Variants in PIK3C3 observed in about 807,000 individuals in gnomAD.
The protein encoded by PIK3C3 is phosphatidylinositol 3-kinase catalytic subunit type 3, also known as PI3-kinase type 3.
Under a neutral mutation model 126.1 loss-of-function variants are expected in PIK3C3, and 95 were observed. That is an observed-to-expected ratio of 0.75 (90% CI 0.64 to 0.89). The LOEUF (loss-of-function observed/expected upper bound fraction) is 0.89. PIK3C3 is among the 40% of genes least tolerant of loss of function. The pLI is 0.00. For missense variants in PIK3C3, 829 were observed against 1,063.2 expected (o/e 0.78, Z 3.06); for synonymous variants, 374 against 360.0 (o/e 1.04, Z -0.44).
chr18:41,981,408 A>G (rs544760816), intron 4 of PIK3C3, among the ~76,000 whole-genome samples: 44 of 152,200 alleles, frequency 2.9e-4, no homozygotes, highest in African/African-American at 9.6e-4. Flanking sequence ...AGTTTAACTA[A>G]ATGAAACTTT....
chr18:42,073,945 TC>T (rs1445426530), intron 24 of PIK3C3, among the ~76,000 whole-genome samples: 2 of 152,010 alleles, frequency 1.3e-5, no homozygotes, highest in Non-Finnish European at 2.9e-5. Context: ...ACAAGCATTT[TC>T]TGTGTTCAGA....
At chr18:42,013,349 G>A in intron 10 of PIK3C3, 93 bp from the exon 11 acceptor site, 1 of 783,586 alleles carries the variant, frequency 1.3e-6, no homozygotes, top group East Asian at 2.9e-5. Context: ...ATAGATAAAA[G>A]TAAAATGTTT....
intron 5 of PIK3C3, among the ~76,000 whole-genome samples, chr18:41,989,436 A>G (rs558626220): frequency 6.6e-6 from 1 of 152,256 alleles, no homozygotes; most frequent in African/African-American, 2.4e-5. Flanking sequence ...CTTAGACTTC[A>G]TTGTATTTTC....
At chr18:41,960,834 C>T (rs926359567) in intron 2 of PIK3C3, among the ~76,000 whole-genome samples, 39 of 151,762 alleles carry the variant, frequency 2.6e-4, no homozygotes, top group African/African-American at 7.3e-5. Context: ...TCTTCACCCT[C>T]TGGGTTCAAG....
chr18:42,001,709 C>T (rs1294868870), intron 9 of PIK3C3, among the ~76,000 whole-genome samples: 1 of 152,088 alleles, frequency 6.6e-6, no homozygotes, highest in African/African-American at 2.4e-5. Flanking sequence ...GCTAATAAGT[C>T]TATAAATCTG....
chr18:41,961,661 A>G (rs985821263), intron 2 of PIK3C3, among the ~76,000 whole-genome samples: 5 of 152,208 alleles, frequency 3.3e-5, no homozygotes, highest in South Asian at 2.1e-4. Flanking sequence ...ATAGAATTCT[A>G]TGTGTCTGCT....
chr18:41,985,605 A>G (rs1287959106), intron 4 of PIK3C3, among the ~76,000 whole-genome samples: 1 of 152,104 alleles, frequency 6.6e-6, no homozygotes. Context: ...CTCACTATTG[A>G]TGAACATTTT....
chr18:42,025,800 T>C (rs1404964229), intron 13 of PIK3C3: 1 of 152,184 alleles, frequency 6.6e-6, no homozygotes, highest in African/African-American at 2.4e-5. Flanking sequence ...TATTTATATT[T>C]GAAAATTATC....
In PIK3C3 at chr18:42,084,832, G is replaced by A. The variant is rs1986365317; in HGVS notation, c.*3695G>A. 6.6e-6 allele frequency: 1 copy of A among 152,196 alleles called. No homozygotes were observed. Among genetic ancestry groups the A allele is most frequent in the African/African-American group, 2.4e-5 (1 of 41,460 alleles). The allele number at this position is 152,196 out of a possible 1,614,324, so 9.4% of individuals were successfully genotyped here. A position where few individuals can be genotyped will look rare whatever the true frequency, so the allele number is the denominator to read the frequency against. ...TCCTGAGCAGCCAAATCAATCTGCA[G>A]GTGGGCCTTGTGAGTTTTCCCAGGG... On this transcript the variant is annotated 3_prime_UTR_variant, in exon 25 of 25. Coordinates refer to ENST00000262039, the MANE Select transcript of PIK3C3 (RefSeq NM_002647.4).
chr18:41,996,031 A>C, intron 8 of PIK3C3, 37 bp downstream of exon 8: 1 of 1,352,646 alleles, frequency 7.4e-7, no homozygotes, highest in Non-Finnish European at 1.1e-6. Context: ...AAAAATAGTT[A>C]AATGGGTGTT....
intron 2 of PIK3C3, among the ~76,000 whole-genome samples, chr18:41,960,132 G>A (rs1980004919): frequency 6.6e-6 from 1 of 152,092 alleles, no homozygotes; most frequent in Admixed American, 6.6e-5. Flanking sequence ...AGTGAGTTGT[G>A]AGAGTTCTAA....
intron 9 of PIK3C3, among the ~76,000 whole-genome samples, chr18:41,997,949 A>G (rs1321232809): frequency 6.6e-6 from 1 of 152,176 alleles, no homozygotes; most frequent in Non-Finnish European, 1.5e-5. Context: ...AGGAAAATTA[A>G]TATCTGTTCA....
chr18:41,987,779 A>T lies in PIK3C3; in HGVS notation c.532-33A>T, dbSNP rs746363961. On this transcript the variant is annotated intron_variant, in intron 4 of 24. Transcript: ENST00000262039. ...TGGTCCTTCTTTCTACTAGATGTAT[A>T]TTAAAATTTTCGTCATTGTATTTAT... The T allele has an allele frequency of 1.0e-5, 15 of 1,464,142 alleles. No individual in the cohort carries two copies. In the African/African-American group the frequency reaches 1.9e-4, roughly 19 times the overall value. The allele number at this position is 1,464,142 out of a possible 1,614,324, so 90.7% of individuals were successfully genotyped here.
intron 12 of PIK3C3, among the ~76,000 whole-genome samples, chr18:42,016,576 C>A (rs1256719454): frequency 6.6e-6 from 1 of 152,124 alleles, no homozygotes; most frequent in Non-Finnish European, 1.5e-5. Context: ...TTACTTGTTA[C>A]TAAAAAAGTA....
intron 21 of PIK3C3, among the ~76,000 whole-genome samples, chr18:42,056,470 A>G (rs1396788308): frequency 6.6e-6 from 1 of 152,148 alleles, no homozygotes; most frequent in Non-Finnish European, 1.5e-5. Flanking sequence ...ACCATGCATG[A>G]TGGCAGTTTT....
chr18:41,969,446 T>C (rs1296585229), intron 3 of PIK3C3, among the ~76,000 whole-genome samples: 1 of 152,186 alleles, frequency 6.6e-6, no homozygotes, highest in Non-Finnish European at 1.5e-5. Context: ...TCTTTATGAG[T>C]TTGTTTCATC....
chr18:42,010,668 A>G (rs561561641), intron 10 of PIK3C3, among the ~76,000 whole-genome samples: 22 of 152,260 alleles, frequency 1.4e-4, no homozygotes, highest in African/African-American at 5.3e-4. Flanking sequence ...AGCCCCTCAA[A>G]GTTAGCCAAG....
Position 42,084,498 on chromosome 18 carries a change from A to G in PIK3C3, c.*3361A>G, listed in dbSNP as rs1410038097. The G allele has an allele frequency of 6.6e-6, 1 of 150,980 alleles. No homozygotes were observed. The highest frequency in any genetic ancestry group is 2.0e-4 in the East Asian group (1 of 5,090). The allele number at this position is 150,980 out of a possible 1,614,324, so 9.4% of individuals were successfully genotyped here. ...CACTTATAAGAATGCATACCACCTG[A>G]TCCAGGATGGGATCCAGGAACAGAA... On this transcript the variant is annotated 3_prime_UTR_variant, in exon 25 of 25. Transcript: ENST00000262039.
rs1449755492 is a variant in PIK3C3, at chr18:42,043,802, T to TA, written c.2174dup (p.Tyr725Ter). The change falls in exon 20 of 25, where the codon TAC (tyrosine) becomes TAAC (stop). Residue 725 changes from tyrosine (Y) to a stop codon, truncating the protein, a stop_gained and frameshift_variant. Coordinates refer to ENST00000262039, the MANE Select transcript of PIK3C3 (RefSeq NM_002647.4). LOFTEE classifies it high-confidence loss of function. ...GATTAGTGCTGAGGTCATGGACACT[T>TA]ACGTTAAAAGCTGTGGTAAGTTTTT... is the stretch of plus-strand genomic sequence containing the variant. The part of the protein sequence containing the change: ...NGISAEVMDT[Y>*]VKSCAGYCVI... 5.0e-6 allele frequency: 8 copies of TA among 1,611,874 alleles called. No homozygotes were observed. The highest frequency in any genetic ancestry group is 6.8e-6 in the Non-Finnish European group (8 of 1,178,256).
Sources: gnomAD v4.1 joint callset for allele counts (sites outside exome capture counted in the v4.1 genomes callset) on GRCh38, gnomAD v4.1.1 for gene constraint, MANE v1.5 for transcripts, NCBI Gene and HGNC (gene_info 2026-07-23, HGNC 2026-07-21) for gene names.